The following MAGI2 variants were observed in gnomAD, a reference collection of about 807,000 sequenced individuals.
MAGI2 encodes membrane-associated guanylate kinase, WW and PDZ domain-containing protein 2.
In MAGI2, 35 loss-of-function variants were observed where a neutral mutation model predicts 133.3. That is an observed-to-expected ratio of 0.26 (90% CI 0.20 to 0.35). The LOEUF is 0.35. MAGI2 is among the 10% of genes least tolerant of loss of function. The pLI is 1.00. For missense variants in MAGI2, 1,636 were observed against 1,863.4 expected (o/e 0.88, Z 2.25); for synonymous variants, 729 against 710.6 (o/e 1.03, Z -0.41).
intron 3 of MAGI2, among the ~76,000 whole-genome samples, chr7:78,553,243 A>G (rs1331401191): frequency 6.6e-6 from 1 of 152,152 alleles, no homozygotes; most frequent in Non-Finnish European, 1.5e-5. Context: ...CTTTGACTAC[A>G]TAAGCATTTT....
intron 2 of MAGI2, among the ~76,000 whole-genome samples, chr7:78,913,882 T>G (rs1011686398): frequency 6.6e-6 from 1 of 152,166 alleles, no homozygotes; most frequent in African/African-American, 2.4e-5. Flanking sequence ...ACTTCCCAGA[T>G]CAGTATCACC....
chr7:78,932,821 AGAAC>A, intron 2 of MAGI2, among the ~76,000 whole-genome samples: 1 of 152,182 alleles, frequency 6.6e-6, no homozygotes. Context: ...ATTTGATGCC[AGAAC>A]TAGACTATAA....
intron 2 of MAGI2, among the ~76,000 whole-genome samples, chr7:78,803,130 C>T (rs1010165841): frequency 2.0e-5 from 3 of 151,860 alleles, no homozygotes; most frequent in African/African-American, 4.8e-5. Context: ...TTTACATGTG[C>T]GATTTGAAAA....
intron 2 of MAGI2, among the ~76,000 whole-genome samples, chr7:78,889,058 T>C (rs1299590675): frequency 6.6e-6 from 1 of 152,116 alleles, no homozygotes; most frequent in Non-Finnish European, 1.5e-5. Context: ...CTGAAAACCA[T>C]GGCACAAGAA....
chr7:78,394,708 C>T (rs1796188570), intron 6 of MAGI2, among the ~76,000 whole-genome samples: 1 of 152,182 alleles, frequency 6.6e-6, no homozygotes, highest in African/African-American at 2.4e-5. Context: ...TTAATTTTCT[C>T]ATTTTTTTTC....
Position 78,666,404 on chromosome 7 carries a change from T to C in MAGI2, c.419-39165A>G, listed in dbSNP as rs144357176. Among the ~76,000 whole-genome samples, 121 of 152,320 alleles carry C rather than the reference T, an allele frequency of 7.9e-4. 2 individuals are homozygous for C. In the East Asian group the frequency reaches 0.022, roughly 27 times the overall value. On this transcript the variant is annotated intron_variant, in intron 2 of 21. Transcript: ENST00000354212. ...CCTGAGTTCATTGTATAGTTCATTG[T>C]ATAGGCTTGTTTGGGGGTTTTTCTA... is the stretch of plus-strand genomic sequence containing the variant.
intron 13 of MAGI2, among the ~76,000 whole-genome samples, chr7:78,181,134 C>T (rs1827151965): frequency 6.6e-6 from 1 of 152,072 alleles, no homozygotes; most frequent in Non-Finnish European, 1.5e-5. Context: ...AGTTGCTCTT[C>T]TGGCCCGACG....
rs1484389558 is a variant in MAGI2 at position 78,673,580 on chromosome 7, T to C, written c.419-46341A>G. On this transcript the variant is annotated intron_variant, in intron 2 of 21. Coordinates refer to ENST00000354212, the MANE Select transcript of MAGI2 (RefSeq NM_012301.4). Reference sequence around the variant, plus strand: ...AAGGCCAAGAAGAAGACCAATGTCCTAGCTCAGAGTATCCAGGCAAGAGGA... The same window carrying C: ...AAGGCCAAGAAGAAGACCAATGTCCCAGCTCAGAGTATCCAGGCAAGAGGA... Among the ~76,000 whole-genome samples, 5 of 152,090 alleles carry C rather than the reference T, an allele frequency of 3.3e-5. No individual in the cohort carries two copies. In the East Asian group the frequency reaches 7.8e-4, roughly 24 times the overall value.
chr7:78,917,205 T>C (rs1798871289), intron 2 of MAGI2, among the ~76,000 whole-genome samples: 1 of 152,050 alleles, frequency 6.6e-6, no homozygotes, highest in African/African-American at 2.4e-5. Context: ...AAGGTATTTT[T>C]TAAAGAACAT....
At chr7:78,812,586 A>ATGTGTGTGTGTG (rs10542588) in intron 2 of MAGI2, among the ~76,000 whole-genome samples, 246 of 149,436 alleles carry the variant, frequency 1.6e-3, no homozygotes, top group African/African-American at 5.5e-3. Flanking sequence ...ATATGTATGT[A>ATGTGTGTGTGTG]TGTGTGTGTG....
chr7:78,812,640 A>G (rs936108331), intron 2 of MAGI2, among the ~76,000 whole-genome samples: 1 of 151,788 alleles, frequency 6.6e-6, no homozygotes, highest in Non-Finnish European at 1.5e-5. Context: ...TTGCCGATAG[A>G]TTGGAATTTA....
At chr7:78,859,036 T>A (rs940875842) in intron 2 of MAGI2, among the ~76,000 whole-genome samples, 1 of 152,200 alleles carries the variant, frequency 6.6e-6, no homozygotes, top group East Asian at 1.9e-4. Context: ...TAGAGTCTGT[T>A]TTATCAGAGA....
chr7:79,236,356 G>A (rs1016957820), intron 1 of MAGI2, among the ~76,000 whole-genome samples: 20 of 152,204 alleles, frequency 1.3e-4, no homozygotes, highest in African/African-American at 4.6e-4. Flanking sequence ...CTGGGGTTCT[G>A]TTGAAGTCTA....
At chr7:78,022,662 T>C (rs1808512796) in intron 21 of MAGI2, among the ~76,000 whole-genome samples, 2 of 152,200 alleles carry the variant, frequency 1.3e-5, no homozygotes. Context: ...ACTTAGCATT[T>C]ATTTCTGAAC....
chr7:78,072,921 G>A (rs1814863498), intron 21 of MAGI2: 1 of 398,622 alleles, frequency 2.5e-6, no homozygotes, highest in African/African-American at 2.1e-5. Flanking sequence ...GCCTCCCAAA[G>A]TGTTAGGATT....
chr7:78,073,936 C>T (rs558517956), intron 21 of MAGI2, among the ~76,000 whole-genome samples: 3 of 152,294 alleles, frequency 2.0e-5, no homozygotes, highest in East Asian at 1.9e-4. Context: ...GGGGAACTCA[C>T]GCTTCCCACT....
intron 20 of MAGI2, among the ~76,000 whole-genome samples, chr7:78,109,074 G>T (rs1168434212): frequency 6.6e-6 from 1 of 151,624 alleles, no homozygotes; most frequent in East Asian, 1.9e-4. Context: ...GGAGGCCGAG[G>T]CGGGCGGATC....
At position 78,555,200 on chromosome 7, in the gene MAGI2, G is replaced by GGATAGATAGATA. The variant is rs201538875; in HGVS notation, c.539-33567_539-33556dup. On this transcript the variant is annotated intron_variant, in intron 3 of 21. Coordinates refer to ENST00000354212, the MANE Select transcript of MAGI2 (RefSeq NM_012301.4). Reference sequence around the variant, plus strand: ...AATGATAGAGGACGGTTGGATGGATGGATAGATAGATAGATAGATAGACAG... The same window carrying GGATAGATAGATA: ...AATGATAGAGGACGGTTGGATGGATGGATAGATAGATAGATAGATAGATAGATAGATAGACAG... Among the ~76,000 whole-genome samples, 306 of 92,712 alleles carry GGATAGATAGATA rather than the reference G, an allele frequency of 3.3e-3. 2 individuals carry two copies. Among genetic ancestry groups the GGATAGATAGATA allele is most frequent in the Admixed American group, 5.2e-3 (47 of 8,976 alleles). The allele number at this position is 92,712 out of a possible 152,430, so 60.8% of individuals were successfully genotyped here.
intron 21 of MAGI2, among the ~76,000 whole-genome samples, chr7:78,034,674 T>C (rs1180836752): frequency 6.6e-6 from 1 of 152,086 alleles, no homozygotes; most frequent in Admixed American, 6.5e-5. Context: ...ACTACAGTTG[T>C]GCACCACCAC....
Sources: gnomAD v4.1 joint callset for allele counts (sites outside exome capture counted in the v4.1 genomes callset) on GRCh38, gnomAD v4.1.1 for gene constraint, MANE v1.5 for transcripts, NCBI Gene and HGNC (gene_info 2026-07-23, HGNC 2026-07-21) for gene names.